MTRR: variants seen among roughly 807,000 people sequenced by gnomAD.
MTRR encodes the protein methionine synthase reductase.
Under a neutral mutation model 79.2 loss-of-function variants are expected in MTRR, and 63 were observed. The ratio of observed to expected loss-of-function variants is 0.80; its 90% CI spans 0.65 to 0.98. The LOEUF (loss-of-function observed/expected upper bound fraction) is 0.98, where lower values mean the gene tolerates loss of function less well. Among genes scored for constraint, MTRR ranks in the 50% least tolerant of loss-of-function variants. The probability of loss-of-function intolerance (pLI) is 0.00; values close to 1 mark genes in which losing one functional copy is unlikely to be tolerated. For missense variants in MTRR, 895 were observed against 839.6 expected (o/e 1.07, Z -0.82); for synonymous variants, 355 against 313.3 (o/e 1.13, Z -1.41).
intron 10 of MTRR, 59 bp from the exon 11 acceptor site, chr5:7,892,668 G>A: frequency 2.0e-6 from 3 of 1,511,406 alleles, no homozygotes; most frequent in Non-Finnish European, 2.8e-6. Flanking sequence ...GGATTGGTTT[G>A]ACCCATATGT....
chr5:7,887,179 A>G (rs1341133313), intron 8 of MTRR, among the ~76,000 whole-genome samples: 1 of 152,176 alleles, frequency 6.6e-6, no homozygotes, highest in African/African-American at 2.4e-5. Context: ...CTACATAACT[A>G]TTTATTGCTG....
intron 2 of MTRR, among the ~76,000 whole-genome samples, chr5:7,862,497 A>C (rs1312953381): frequency 6.6e-6 from 1 of 152,192 alleles, no homozygotes; most frequent in Non-Finnish European, 1.5e-5. Context: ...ATTAGTGAGC[A>C]TTTCCTACGT....
In MTRR at chr5:7,899,943, A is replaced by C; in HGVS notation, c.1982A>C (p.His661Pro). ...GDAKNMAKDV[H>P]DALVQIISKE... ...GCAAAGAATATGGCCAAGGATGTAC[A>C]TGATGCCCTTGTGCAAATAATAAGC... The change falls in exon 15 of 15, where the codon CAT becomes CCT. Residue 661 changes from histidine to proline, a missense_variant. Physicochemically the swap from His to Pro is moderately conservative, Grantham distance 77. Coordinates refer to ENST00000440940, the MANE Select transcript of MTRR (RefSeq NM_002454.3). The C allele has an allele frequency of 6.2e-7, 1 of 1,614,228 alleles. No individual in the cohort carries two copies. The highest frequency in any genetic ancestry group is 8.5e-7 in the Non-Finnish European group (1 of 1,180,036).
chr5:7,885,442 C>A (rs139403825), intron 6 of MTRR, among the ~76,000 whole-genome samples: 3 of 152,118 alleles, frequency 2.0e-5, no homozygotes, highest in East Asian at 1.9e-4. Context: ...GACTTCCATT[C>A]TTTAAGTATG....
upstream of MTRR, chr5:7,868,051 A>G (rs1376636896): frequency 1.2e-5 from 20 of 1,612,406 alleles, no homozygotes; most frequent in Non-Finnish European, 1.7e-5. Context: ...CAGATAAACG[A>G]TAAAGGTTCT....
chr5:7,869,295 G>A (rs894601635), intron 1 of MTRR, 80 bp downstream of exon 1: 39 of 1,550,994 alleles, frequency 2.5e-5, no homozygotes, highest in Admixed American at 5.1e-5. Context: ...GGCCCGGGGC[G>A]GGGGTGGGCA....
At chr5:7,891,024 GAAAACTGCAC>G (rs1737451648) in intron 9 of MTRR, among the ~76,000 whole-genome samples, 1 of 78,186 alleles carries the variant, frequency 1.3e-5, no homozygotes, top group Non-Finnish European at 2.7e-5. Flanking sequence ...CCTCCCTGCA[GAAAACTGCAC>G]ATATACCTAG....
upstream of MTRR, chr5:7,851,155 A>G (rs1746069698): frequency 3.6e-6 from 4 of 1,118,690 alleles, no homozygotes; most frequent in Non-Finnish European, 3.4e-6. Flanking sequence ...TTGCCTGGAA[A>G]CCGCCGCCTG....
At chr5:7,891,297 T>C in intron 9 of MTRR, 75 bp from the exon 10 acceptor site, 1 of 805,326 alleles carries the variant, frequency 1.2e-6, no homozygotes. Flanking sequence ...GAATTTTTTT[T>C]TTTTTTTTTT....
At chr5:7,883,608 T>C (rs951528471) in intron 6 of MTRR, among the ~76,000 whole-genome samples, 1 of 152,182 alleles carries the variant, frequency 6.6e-6, no homozygotes, top group African/African-American at 2.4e-5. Context: ...GTGTGGTGCT[T>C]GGTTATACAT....
chr5:7,887,219 G>A (rs967384817), intron 8 of MTRR, among the ~76,000 whole-genome samples: 1 of 152,108 alleles, frequency 6.6e-6, no homozygotes, highest in South Asian at 2.1e-4. Context: ...AAATGGAAGG[G>A]TTTTGGTAGG....
chr5:7,862,190 A>ACAG (rs1211962950), intron 2 of MTRR: 1 of 152,458 alleles, frequency 6.6e-6, no homozygotes, highest in African/African-American at 2.4e-5. Flanking sequence ...AAGCCTATGA[A>ACAG]CTGCTGTCCT....
upstream of MTRR, chr5:7,869,079 A>G: frequency 1.3e-6 from 2 of 1,591,020 alleles, no homozygotes; most frequent in Non-Finnish European, 8.6e-7. Flanking sequence ...AGGGCGGCGC[A>G]ATGTGATTGG....
At chr5:7,861,143 C>T (rs371907720) in intron 1 of MTRR, 3 of 1,546,768 alleles carry the variant, frequency 1.9e-6, no homozygotes, top group Non-Finnish European at 2.7e-6. Context: ...ATAGGTGAAA[C>T]CGTACCTGAA....
chr5:7,869,448 G>A, intron 1 of MTRR: 1 of 565,244 alleles, frequency 1.8e-6, no homozygotes, highest in Non-Finnish European at 3.1e-6. Context: ...CCTCTGCCGC[G>A]GGAGGCCCCT....
rs145984378 is a variant in MTRR, at chr5:7,857,171, A to C, written n.392-4780A>C. Among the ~76,000 whole-genome samples, 790 of 152,298 alleles carry C rather than the reference A, an allele frequency of 5.2e-3. 6 individuals carry two copies. Among genetic ancestry groups the C allele is most frequent in the African/African-American group, 0.018 (729 of 41,564 alleles). ...TTTTCTTGCTTTGCTTTACTTTTGA[A>C]AACAAATATAGAAAGGTTATGCAAT... On this transcript the variant is annotated intron_variant and non_coding_transcript_variant, in intron 1 of 3. Transcript: ENST00000502509.
At chr5:7,869,347 G>A in intron 1 of MTRR, 132 bp downstream of exon 1, 1 of 963,568 alleles carries the variant, frequency 1.0e-6, no homozygotes, top group Non-Finnish European at 1.6e-6. Context: ...CGGCCTCCGG[G>A]GGTCGCCGCG....
intron 5 of MTRR, among the ~76,000 whole-genome samples, chr5:7,882,739 G>C (rs1287200659): frequency 6.6e-6 from 1 of 152,174 alleles, no homozygotes; most frequent in African/African-American, 2.4e-5. Flanking sequence ...GCAGCCATAT[G>C]AACAGCATTG....
chr5:7,890,803 T>C (rs2126781886), intron 9 of MTRR, among the ~76,000 whole-genome samples: 1 of 152,330 alleles, frequency 6.6e-6, no homozygotes, highest in African/African-American at 2.4e-5. Flanking sequence ...TTAACCTGCT[T>C]TTGAAAGAAT....
Sources: allele counts gnomAD v4.1 joint callset (sites outside exome capture counted in the v4.1 genomes callset), GRCh38; gene constraint gnomAD v4.1.1; transcripts MANE v1.5; gene names NCBI Gene and HGNC (gene_info 2026-07-23, HGNC 2026-07-21).